The following ANKS1B variants were observed in gnomAD, a reference collection of about 807,000 sequenced individuals.
ANKS1B encodes ankyrin repeat and sterile alpha motif domain containing 1B, also known as ankyrin repeat and sterile alpha motif domain-containing protein 1B.
In ANKS1B, 36 loss-of-function variants were observed where a neutral mutation model predicts 148.3. The ratio of observed to expected loss-of-function variants is 0.24; its 90% CI spans 0.19 to 0.32. The LOEUF (loss-of-function observed/expected upper bound fraction) is 0.32. Ranked by LOEUF, ANKS1B falls within the 10% of genes least tolerant of loss-of-function variation. ANKS1B has a pLI of 1.00. For synonymous variants in ANKS1B, 542 were observed against 560.8 expected (o/e 0.97, Z 0.47); for missense variants, 1,157 against 1,542.6 (o/e 0.75, Z 4.19).
intron 12 of ANKS1B, among the ~76,000 whole-genome samples, chr12:99,362,258 T>C (rs11616076): frequency 0.11 from 16,481 of 152,024 alleles, 900 homozygotes; most frequent in Non-Finnish European, 0.13. Context: ...ACCGCCAACA[T>C]TAGACGAGTT....
chr12:99,813,965 T>C (rs2068763924), intron 2 of ANKS1B, among the ~76,000 whole-genome samples: 1 of 151,686 alleles, frequency 6.6e-6, no homozygotes, highest in Non-Finnish European at 1.5e-5. Context: ...TTCAAAAAGA[T>C]TATCATACCT....
intron 11 of ANKS1B, among the ~76,000 whole-genome samples, chr12:99,442,642 A>G (rs10745856): frequency 0.42 from 63,566 of 151,762 alleles, 15,187 homozygotes; most frequent in African/African-American, 0.65. Context: ...TTTATATTAA[A>G]GTGTTCTACA....
At chr12:99,517,045 G>A (rs1392069548) in intron 9 of ANKS1B, among the ~76,000 whole-genome samples, 1 of 152,068 alleles carries the variant, frequency 6.6e-6, no homozygotes, top group African/African-American at 2.4e-5. Flanking sequence ...TTCTATTTCT[G>A]TGAAAAATAT....
intron 12 of ANKS1B, among the ~76,000 whole-genome samples, chr12:99,369,992 TA>T (rs2093036807): frequency 6.6e-6 from 1 of 152,066 alleles, no homozygotes; most frequent in African/African-American, 2.4e-5. Flanking sequence ...AAATTTTAGT[TA>T]AAAAATGTGG....
chr12:99,325,883 T>A (rs1463903981), intron 12 of ANKS1B, among the ~76,000 whole-genome samples: 2 of 151,992 alleles, frequency 1.3e-5, no homozygotes, highest in Non-Finnish European at 2.9e-5. Context: ...AAAGACTGGG[T>A]AATTTATAAA....
intron 9 of ANKS1B, among the ~76,000 whole-genome samples, chr12:99,550,614 ACT>A (rs2097209089): frequency 7.1e-6 from 1 of 140,848 alleles, no homozygotes; most frequent in Non-Finnish European, 1.5e-5. Context: ...ACAGAGTGAA[ACT>A]CTATCTCAAA....
chr12:99,438,744 A>T (rs1244576023), intron 11 of ANKS1B, among the ~76,000 whole-genome samples: 2 of 151,910 alleles, frequency 1.3e-5, no homozygotes, highest in Non-Finnish European at 2.9e-5. Flanking sequence ...AGTACACGCA[A>T]TAAACTGATA....
chr12:99,860,234 G>A (rs1258866809), intron 1 of ANKS1B, among the ~76,000 whole-genome samples: 2 of 152,176 alleles, frequency 1.3e-5, no homozygotes, highest in African/African-American at 4.8e-5. Context: ...CAGAGGTCTG[G>A]AGAAGGCTTT....
chr12:99,299,201 C>T (rs1294328942), intron 12 of ANKS1B, among the ~76,000 whole-genome samples: 1 of 152,074 alleles, frequency 6.6e-6, no homozygotes, highest in Non-Finnish European at 1.5e-5. Context: ...GCTGGGATTA[C>T]AGGTGTGCGC....
intron 12 of ANKS1B, among the ~76,000 whole-genome samples, chr12:99,371,546 C>T (rs2093134308): frequency 6.6e-6 from 1 of 151,638 alleles, no homozygotes; most frequent in Non-Finnish European, 1.5e-5. Context: ...GGTCACAGTA[C>T]CCAGTATACA....
At chr12:99,805,130 G>A (rs1284100903) in intron 4 of ANKS1B, among the ~76,000 whole-genome samples, 3 of 151,960 alleles carry the variant, frequency 2.0e-5, no homozygotes, top group African/African-American at 7.3e-5. Context: ...TTTTGGGATA[G>A]TTTGTTGCAC....
chr12:99,074,488 C>G (rs941316761), intron 16 of ANKS1B, among the ~76,000 whole-genome samples: 1 of 152,164 alleles, frequency 6.6e-6, no homozygotes, highest in African/African-American at 2.4e-5. Context: ...AAAAATCTAT[C>G]CAGCCCATAC....
chr12:98,813,737 G>C (rs190747941), intron 19 of ANKS1B, among the ~76,000 whole-genome samples: 1 of 151,240 alleles, frequency 6.6e-6, no homozygotes, highest in Non-Finnish European at 1.5e-5. Flanking sequence ...GTTATTTTTA[G>C]TAGAGATGAG....
chr12:98,883,981 C>G lies in ANKS1B; in HGVS notation c.2779-51845G>C, dbSNP rs572200666. 2.6e-5 allele frequency among the ~76,000 whole-genome samples: 4 copies of G among 151,974 alleles called. No individual in the cohort carries two copies. The East Asian group carries it at 5.8e-4, about 22-fold the overall frequency. ...ATGCACCATGTACATCTTCTATGAG[C>G]CAAAGCTGTATTTTAATGATAAAGG... On this transcript the variant is annotated intron_variant, in intron 17 of 26. Coordinates refer to ENST00000683438, the MANE Select transcript of ANKS1B (RefSeq NM_001352186.2).
chr12:99,119,316 T>C (rs771977374), intron 15 of ANKS1B, among the ~76,000 whole-genome samples: 1 of 152,120 alleles, frequency 6.6e-6, no homozygotes, highest in South Asian at 2.1e-4. Context: ...AGGAACATAT[T>C]ACCCTCTAGA....
At chr12:99,481,132 T>G (rs1006195108) in intron 10 of ANKS1B, among the ~76,000 whole-genome samples, 2 of 151,782 alleles carry the variant, frequency 1.3e-5, no homozygotes, top group South Asian at 2.1e-4. Context: ...CCATCACCCA[T>G]GTAGTCTACA....
At chr12:99,494,732 C>CA (rs59115173) in intron 10 of ANKS1B, among the ~76,000 whole-genome samples, 2,424 of 54,982 alleles carry the variant, frequency 0.044, 176 homozygotes, top group African/African-American at 0.095. Context: ...CACTCTGTCT[C>CA]AAAAAAAAAA....
rs188167688 is a variant in ANKS1B, at chr12:99,120,970, G to A, written c.2526+33319C>T. ...AAGTACAGGGCTAGTAAAGCGTATC[G>A]CATATTAAGAGAATGATGACTAACC... On this transcript the variant is annotated intron_variant, in intron 15 of 26. Transcript: ENST00000683438. Among the ~76,000 whole-genome samples, 143 of 152,248 alleles carry A rather than the reference G, an allele frequency of 9.4e-4. 1 individual carries two copies. In the South Asian group the frequency reaches 0.016, roughly 17 times the overall value.
chr12:98,755,880 C>T (rs191212157), intron 25 of ANKS1B, among the ~76,000 whole-genome samples: 63 of 152,232 alleles, frequency 4.1e-4, no homozygotes, highest in Admixed American at 5.2e-4. Flanking sequence ...CATGGTGTTC[C>T]CCTGTTGAGA....
Sources: allele counts gnomAD v4.1 joint callset (sites outside exome capture counted in the v4.1 genomes callset), GRCh38; gene constraint gnomAD v4.1.1; transcripts MANE v1.5; gene names NCBI Gene and HGNC (gene_info 2026-07-23, HGNC 2026-07-21).